TUT4: variants seen among roughly 807,000 people sequenced by gnomAD.
TUT4 encodes the protein terminal uridylyl transferase 4, also known as terminal uridylyltransferase 4.
Under a neutral mutation model 192.2 loss-of-function variants are expected in TUT4, and 36 were observed. That is an observed-to-expected ratio of 0.19 (90% CI 0.14 to 0.25). TUT4 has a LOEUF of 0.25. Ranked by LOEUF, TUT4 falls within the 10% of genes least tolerant of loss-of-function variation. TUT4 has a pLI of 1.00. For synonymous variants in TUT4, 618 were observed against 666.0 expected, an observed-to-expected ratio of 0.93 and a Z score of 1.11; for missense variants, 1,493 against 1,957.2, an observed-to-expected ratio of 0.76 and a Z score of 4.47.
At chr1:52,545,623 C>T (rs964009786) in intron 1 of TUT4, among the ~76,000 whole-genome samples, 11 of 152,006 alleles carry the variant, frequency 7.2e-5, no homozygotes, top group African/African-American at 2.7e-4. Context: ...AATCAAAACT[C>T]CAATGAGATA....
intron 14 of TUT4, among the ~76,000 whole-genome samples, chr1:52,471,207 G>C (rs1010695988): frequency 6.6e-6 from 1 of 151,880 alleles, no homozygotes; most frequent in African/African-American, 2.4e-5. Context: ...AGCAGAGACA[G>C]GGTTTCACCA....
intron 1 of TUT4, among the ~76,000 whole-genome samples, chr1:52,540,971 C>T (rs1336445433): frequency 1.3e-5 from 2 of 151,948 alleles, no homozygotes; most frequent in East Asian, 1.9e-4. Context: ...TTTAGTAGGC[C>T]GAGGCAGGCA....
At chr1:52,546,884 C>A (rs1688214266) in intron 1 of TUT4, among the ~76,000 whole-genome samples, 1 of 152,052 alleles carries the variant, frequency 6.6e-6, no homozygotes. Flanking sequence ...GTAATCCTGG[C>A]ACTTTCGGAG....
At chr1:52,476,656 GA>G (rs757323978) in intron 12 of TUT4, among the ~76,000 whole-genome samples, 5 of 151,644 alleles carry the variant, frequency 3.3e-5, no homozygotes, top group African/African-American at 1.2e-4. Context: ...AAGAGGGGGG[GA>G]AAAGAAAGAA....
intron 1 of TUT4, among the ~76,000 whole-genome samples, chr1:52,545,330 T>C (rs1266476390): frequency 2.6e-5 from 4 of 151,286 alleles, no homozygotes; most frequent in African/African-American, 4.9e-5. Flanking sequence ...TGAGCCAAGA[T>C]TGCGCCACTG....
chr1:52,489,390 T>C (rs1302986501), intron 8 of TUT4, among the ~76,000 whole-genome samples: 2 of 152,208 alleles, frequency 1.3e-5, no homozygotes, highest in Non-Finnish European at 2.9e-5. Context: ...CAATGTCAAA[T>C]AGTGCAAGGT....
At chr1:52,470,850 G>A (rs1202347865) in intron 14 of TUT4, among the ~76,000 whole-genome samples, 1 of 152,014 alleles carries the variant, frequency 6.6e-6, no homozygotes, top group East Asian at 1.9e-4. Context: ...TGTTTGCTGA[G>A]TAAAGGTGAC....
At chr1:52,470,942 A>G (rs1026283038) in intron 14 of TUT4, among the ~76,000 whole-genome samples, 3 of 143,576 alleles carry the variant, frequency 2.1e-5, no homozygotes, top group African/African-American at 5.3e-5. Context: ...ATCTCTCTCT[A>G]TTGCCTTTCT....
Position 52,436,723 on chromosome 1 carries a change from A to G in TUT4, c.4162+32T>C, listed in dbSNP as rs1413330179. 3 of 1,611,058 alleles carry G rather than the reference A, an allele frequency of 1.9e-6. No individual in the cohort carries two copies. In the South Asian group the frequency reaches 3.3e-5, roughly 18 times the overall value. ...AAGCAACATAAATGACTTCGTTTCT[A>G]CCAGAAACTATGTTTGGCCTTTTCT... On this transcript the variant is annotated intron_variant, in intron 26 of 29. Coordinates refer to ENST00000257177, the MANE Select transcript of TUT4 (RefSeq NM_001009881.3).
chr1:52,522,496 T>G (rs993582415), intron 2 of TUT4, among the ~76,000 whole-genome samples: 1 of 152,202 alleles, frequency 6.6e-6, no homozygotes, highest in South Asian at 2.1e-4. Context: ...AAACATATTT[T>G]TCAGTGATAA....
chr1:52,532,088 A>G (rs1034201618), intron 1 of TUT4, among the ~76,000 whole-genome samples: 25 of 151,178 alleles, frequency 1.7e-4, no homozygotes, highest in Non-Finnish European at 3.2e-4. Context: ...GGGTTTTACC[A>G]TGTTGGTCAG....
At chr1:52,452,231 C>T (rs1659641826) in intron 20 of TUT4, among the ~76,000 whole-genome samples, 1 of 152,070 alleles carries the variant, frequency 6.6e-6, no homozygotes, top group Non-Finnish European at 1.5e-5. Context: ...AAATCAAATC[C>T]AATAATGTAC....
intron 27 of TUT4, chr1:52,432,974 T>C (rs1468230157): frequency 6.6e-6 from 1 of 152,238 alleles, no homozygotes; most frequent in Non-Finnish European, 1.5e-5. Flanking sequence ...TGAGACTGAT[T>C]AGGAGACTGC....
At chr1:52,456,902 TA>T (rs1661136595) in intron 20 of TUT4, among the ~76,000 whole-genome samples, 1 of 152,140 alleles carries the variant, frequency 6.6e-6, no homozygotes, top group Admixed American at 6.5e-5. Context: ...TCATCAGTTG[TA>T]AAAAATGTAC....
At chr1:52,545,470 T>C (rs187256469) in intron 1 of TUT4, among the ~76,000 whole-genome samples, 102 of 150,964 alleles carry the variant, frequency 6.8e-4, no homozygotes, top group Non-Finnish European at 1.1e-3. Context: ...CCAGAATATA[T>C]AGCAACTCCA....
At chr1:52,536,882 T>G (rs539241414) in intron 1 of TUT4, among the ~76,000 whole-genome samples, 2 of 148,958 alleles carry the variant, frequency 1.3e-5, no homozygotes, top group African/African-American at 5.0e-5. Context: ...TTTTAAAAAA[T>G]AGGCCGGGCG....
intron 14 of TUT4, among the ~76,000 whole-genome samples, chr1:52,468,860 C>T (rs1160516005): frequency 6.6e-6 from 1 of 152,124 alleles, no homozygotes; most frequent in Non-Finnish European, 1.5e-5. Flanking sequence ...CCAAATAAGT[C>T]CATATATTTC....
intron 1 of TUT4, among the ~76,000 whole-genome samples, chr1:52,545,856 T>C (rs1300259713): frequency 6.6e-6 from 1 of 151,042 alleles, no homozygotes; most frequent in Non-Finnish European, 1.5e-5. Flanking sequence ...GCGCGATGGC[T>C]CATGCCTGTA....
At chr1:52,529,842 C>T (rs1045221470) in intron 1 of TUT4, 1 of 152,062 alleles carries the variant, frequency 6.6e-6, no homozygotes, top group African/African-American at 2.4e-5. Context: ...TAATCTTTTT[C>T]TTCTTCTTCT....
Sources: gnomAD v4.1 joint callset for allele counts (sites outside exome capture counted in the v4.1 genomes callset) on GRCh38, gnomAD v4.1.1 for gene constraint, MANE v1.5 for transcripts, NCBI Gene and HGNC (gene_info 2026-07-23, HGNC 2026-07-21) for gene names.